PTK7: variants seen among roughly 807,000 people sequenced by gnomAD.
PTK7 encodes the protein protein tyrosine kinase 7 (inactive), also known as inactive tyrosine-protein kinase 7.
A neutral mutation model predicts 116.6 loss-of-function variants in PTK7; 39 were observed. The ratio of observed to expected loss-of-function variants is 0.33; its 90% confidence interval spans 0.26 to 0.44. The LOEUF (loss-of-function observed/expected upper bound fraction) is 0.44, where lower values mean the gene tolerates loss of function less well. Among genes scored for constraint, PTK7 ranks in the 20% least tolerant of loss-of-function variants. The probability of loss-of-function intolerance (pLI) is 1.00; values close to 1 mark genes in which losing one functional copy is unlikely to be tolerated. For synonymous variants in PTK7, 546 were observed against 563.6 expected (o/e 0.97, Z 0.44); for missense variants, 1,169 against 1,425.6 (o/e 0.82, Z 2.90).
intron 1 of PTK7, among the ~76,000 whole-genome samples, chr6:43,118,749 A>ATG (rs58128834): frequency 0.018 from 2,168 of 118,718 alleles, 40 homozygotes; most frequent in South Asian, 0.055. Context: ...ATGTGTGTGT[A>ATG]TGTGTGTGTG....
intron 7 of PTK7, among the ~76,000 whole-genome samples, chr6:43,136,042 G>A (rs1561971277): frequency 6.6e-6 from 1 of 152,208 alleles, no homozygotes; most frequent in Non-Finnish European, 1.5e-5. Context: ...ACAAAAATTA[G>A]CCAGGTGTGG....
chr6:43,140,078 C>T (rs1245724059), intron 10 of PTK7, among the ~76,000 whole-genome samples: 1 of 152,128 alleles, frequency 6.6e-6, no homozygotes, highest in Non-Finnish European at 1.5e-5. Context: ...CATGCCATTG[C>T]ACCAGAGTCT....
chr6:43,132,316 G>C, intron 6 of PTK7, 105 bp from the exon 7 acceptor site: 1 of 1,498,770 alleles, frequency 6.7e-7, no homozygotes, highest in Non-Finnish European at 9.0e-7. Context: ...GAGGGCTGCA[G>C]GGGAGGGTTT....
At chr6:43,132,318 G>C (rs1341421501) in intron 6 of PTK7, 103 bp from the exon 7 acceptor site, 3 of 1,498,568 alleles carry the variant, frequency 2.0e-6, no homozygotes, top group Admixed American at 4.3e-5. Flanking sequence ...GGGCTGCAGG[G>C]GAGGGTTTGT....
chr6:43,105,251 C>T (rs1767810841), intron 1 of PTK7, among the ~76,000 whole-genome samples: 1 of 150,526 alleles, frequency 6.6e-6, no homozygotes, highest in South Asian at 2.1e-4. Context: ...TGCATAGATG[C>T]CTGTACAGAG....
At chr6:43,130,736 TATCACAGAC>T in intron 5 of PTK7, 75 bp downstream of exon 5, 1 of 1,536,690 alleles carries the variant, frequency 6.5e-7, no homozygotes, top group Non-Finnish European at 9.0e-7. Context: ...GTGCGATTTG[TATCACAGAC>T]ATCACAGATT....
chr6:43,143,175 GC>G lies in PTK7; in HGVS notation c.2048-240del. 2.0e-6 allele frequency: 1 copy of G among 489,476 alleles called. No individual in the cohort carries two copies. The highest frequency in any genetic ancestry group is 3.7e-6 in the Non-Finnish European group (1 of 273,738). 30.3% of individuals were successfully genotyped at this position (489,476 alleles called of 1,614,324 possible). On this transcript the variant is annotated intron_variant, in intron 13 of 19. Coordinates refer to ENST00000230419, the MANE Select transcript of PTK7 (RefSeq NM_002821.5). This position sits in a 1 kb window ranked among gnomAD's most constrained non-coding sequence, Gnocchi z 4.2. Reference sequence around the variant, plus strand: ...CTTGACAGGTGTGCTTATCCGTGTCGCCTGTCTTGGCTTCCGATGCAAAGCC... The same window carrying G: ...CTTGACAGGTGTGCTTATCCGTGTCGCTGTCTTGGCTTCCGATGCAAAGCC...
chr6:43,124,699 C>G (rs796265240), intron 1 of PTK7, among the ~76,000 whole-genome samples: 10 of 152,196 alleles, frequency 6.6e-5, no homozygotes, highest in African/African-American at 2.2e-4. Context: ...CAACAAACAA[C>G]AGGCCAACGT....
At chr6:43,160,120 T>C in intron 19 of PTK7, 154 bp downstream of exon 19, 2 of 797,934 alleles carry the variant, frequency 2.5e-6, no homozygotes. Flanking sequence ...ACTGCAATAC[T>C]TTGTTTTTCT....
At chr6:43,150,876 C>T (rs112772751) in intron 17 of PTK7, among the ~76,000 whole-genome samples, 5,763 of 138,182 alleles carry the variant, frequency 0.042, 158 homozygotes, top group Middle Eastern at 0.073. Context: ...GGCACCATCT[C>T]GGCTCACTGC....
chr6:43,142,708 CCTG>C (rs2150451651), intron 13 of PTK7: 1 of 252,402 alleles, frequency 4.0e-6, no homozygotes, highest in African/African-American at 2.2e-5. Flanking sequence ...ACTCTCTGCC[CCTG>C]GGAGACTTAT....
At chr6:43,119,754 G>A (rs1768849095) in intron 1 of PTK7, among the ~76,000 whole-genome samples, 1 of 152,118 alleles carries the variant, frequency 6.6e-6, no homozygotes, top group Non-Finnish European at 1.5e-5. Flanking sequence ...ATTTCTGCAG[G>A]CTCCTCACTG....
At position 43,130,625 on chromosome 6, in the gene PTK7, T is replaced by A. The variant is rs747229449; in HGVS notation, c.776T>A (p.Leu259His). The A allele has an allele frequency of 6.2e-7, 1 of 1,614,128 alleles. No individual in the cohort carries two copies. Among genetic ancestry groups the A allele is most frequent in the Non-Finnish European group, 8.5e-7 (1 of 1,180,018 alleles). Residue 259 changes from leucine to histidine, a missense_variant, in exon 5 of 20, where the codon CTC becomes CAC. Leu to His is a moderately conservative substitution (Grantham distance 99, BLOSUM62 -3). Around this residue, in one of 3 missense-constraint regions of PTK7, gnomAD observed 487 missense variants for 549.8 expected, o/e 0.89. Coordinates refer to ENST00000230419, the MANE Select transcript of PTK7 (RefSeq NM_002821.5). ...CAGCCACCCCCGAGCCTGCAGTGGC[T>A]CTTTGAGGATGAGACTCCCATCACT... Reference protein sequence around the residue: ...SAQPPPSLQWLFEDETPITNR... With the variant: ...SAQPPPSLQWHFEDETPITNR...
Position 43,129,025 on chromosome 6 carries a change from C to G in PTK7, c.128C>G (p.Ala43Gly), listed in dbSNP as rs756848406. 6.2e-7 allele frequency: 1 copy of G among 1,613,918 alleles called. No individual in the cohort carries two copies. The highest frequency in any genetic ancestry group is 1.1e-5 in the South Asian group (1 of 91,052). Residue 43 changes from alanine (A) to glycine (G), a missense_variant, in exon 2 of 20, where the codon GCA becomes GGA. Physicochemically the swap from Ala to Gly is moderately conservative, Grantham distance 60 (BLOSUM62 0). Coordinates refer to ENST00000230419, the MANE Select transcript of PTK7 (RefSeq NM_002821.5). The surrounding 1 kb of genome is among the most constrained non-coding windows in gnomAD (Gnocchi z 4.5). Reference protein sequence around the residue: ...VFIKQPSSQDALQGRRALLRC... With the variant: ...VFIKQPSSQDGLQGRRALLRC... Reference sequence around the variant, plus strand: ...ATCAAGCAGCCGTCCTCCCAGGATGCACTGCAGGGGCGCCGGGCGCTGCTT... The same window carrying G: ...ATCAAGCAGCCGTCCTCCCAGGATGGACTGCAGGGGCGCCGGGCGCTGCTT...
chr6:43,115,022 A>G lies in PTK7; in HGVS notation c.80-13955A>G, dbSNP rs147492718. Among the ~76,000 whole-genome samples, 1,103 of 150,940 alleles carry G rather than the reference A, an allele frequency of 7.3e-3. 13 individuals are homozygous for G. The highest frequency in any genetic ancestry group is 0.013 in the Non-Finnish European group (859 of 67,778). On this transcript the variant is annotated intron_variant, in intron 1 of 19. Transcript: ENST00000230419. ...TTGCCATTGCACTCCAGCCTGGGCAACAAGAGCTAGACTTTGTCTCAAAAA... is the reference window on the plus strand; with the variant it reads ...TTGCCATTGCACTCCAGCCTGGGCAGCAAGAGCTAGACTTTGTCTCAAAAA...
intron 1 of PTK7, among the ~76,000 whole-genome samples, chr6:43,117,703 G>T (rs981398052): frequency 4.6e-5 from 7 of 152,154 alleles, no homozygotes; most frequent in Non-Finnish European, 7.4e-5. Context: ...ACTTTGGGAG[G>T]CCAAGGTGGG....
chr6:43,093,378 G>A (rs552864631), intron 1 of PTK7, among the ~76,000 whole-genome samples: 9 of 152,122 alleles, frequency 5.9e-5, no homozygotes, highest in African/African-American at 2.2e-4. Flanking sequence ...CATTTTGAAA[G>A]GCTGAGCTGG....
Position 43,143,648 on chromosome 6 carries a change from G to T in PTK7, c.2251+28G>T, listed in dbSNP as rs1197364623. ...GAGGGGCCCTGGACGGGGAGGTGGT[G>T]CCCGTGTGCGGGAGCTGAGCGCCCT... On this transcript the variant is annotated intron_variant, in intron 14 of 19. Coordinates refer to ENST00000230419, the MANE Select transcript of PTK7 (RefSeq NM_002821.5). This position sits in a 1 kb window ranked among gnomAD's most constrained non-coding sequence, Gnocchi z 4.2. The T allele has an allele frequency of 6.3e-7, 1 of 1,598,500 alleles. No individual in the cohort carries two copies. Among genetic ancestry groups the T allele is most frequent in the African/African-American group, 1.3e-5 (1 of 74,682 alleles).
chr6:43,156,373 G>C (rs1771433352), intron 17 of PTK7, among the ~76,000 whole-genome samples: 1 of 151,936 alleles, frequency 6.6e-6, no homozygotes, highest in Admixed American at 6.6e-5. Flanking sequence ...AGGCAGAGAT[G>C]GAAGGATTGC....
Sources: gnomAD v4.1 joint callset for allele counts (sites outside exome capture counted in the v4.1 genomes callset) on GRCh38, gnomAD v4.1.1 for gene constraint, gnomAD v4.1.1 regional missense constraint, Gnocchi (gnomAD v3.1) non-coding constraint, MANE v1.5 for transcripts, NCBI Gene and HGNC (gene_info 2026-07-23, HGNC 2026-07-21) for gene names.